The following PSIP1 variants were observed in gnomAD, a reference collection of about 807,000 sequenced individuals.
PSIP1 encodes PC4 and SRSF1 interacting protein 1, also known as PC4 and SFRS1-interacting protein.
Under a neutral mutation model 74.7 loss-of-function variants are expected in PSIP1, and 19 were observed. That is an observed-to-expected ratio of 0.25 (90% CI 0.18 to 0.37). The LOEUF is 0.37. Ranked by LOEUF, PSIP1 falls within the 10% of genes least tolerant of loss-of-function variation. The probability of loss-of-function intolerance (pLI) is 1.00; values close to 1 mark genes in which losing one functional copy is unlikely to be tolerated. For synonymous variants in PSIP1, 222 were observed against 195.3 expected (o/e 1.14, Z -1.14); for missense variants, 601 against 614.3 (o/e 0.98, Z 0.23).
chr9:15,487,769 G>A (rs1410496162), intron 4 of PSIP1, among the ~76,000 whole-genome samples: 1 of 152,156 alleles, frequency 6.6e-6, no homozygotes, highest in East Asian at 1.9e-4. Flanking sequence ...TCTCACACGT[G>A]TACATGCTGG....
At chr9:15,501,951 AACC>A (rs1354303579) in intron 3 of PSIP1, among the ~76,000 whole-genome samples, 1 of 151,436 alleles carries the variant, frequency 6.6e-6, no homozygotes, top group Non-Finnish European at 1.5e-5. Flanking sequence ...GCCTGTTAGG[AACC>A]ACGCTACACA....
chr9:15,481,705 G>A (rs1429856829), intron 6 of PSIP1, among the ~76,000 whole-genome samples: 2 of 151,944 alleles, frequency 1.3e-5, no homozygotes, highest in African/African-American at 4.8e-5. Flanking sequence ...AGAATTATAG[G>A]TAAAAGAGAT....
At position 15,472,723 on chromosome 9, in the gene PSIP1, T is replaced by A; in HGVS notation, c.886A>T (p.Thr296Ser). The change falls in exon 10 of 16, where the codon ACT becomes TCT. Residue 296 changes from threonine to serine, a missense_variant. Physicochemically the swap from Thr to Ser is moderately conservative, Grantham distance 58. Coordinates refer to ENST00000380733, the MANE Select transcript of PSIP1 (RefSeq NM_033222.5). ...TTCAGCATATTCCTTCTGTGAGCAGTCTGAAAGTTCCTCCCACCTTTTCTC... is the reference window on the plus strand; with the variant it reads ...TTCAGCATATTCCTTCTGTGAGCAGACTGAAAGTTCCTCCCACCTTTTCTC... ...KKRKGGRNFQ[T>S]AHRRNMLKGQ... 1 of 1,605,274 alleles carries A rather than the reference T, an allele frequency of 6.2e-7. No individual in the cohort carries two copies. The highest frequency in any genetic ancestry group is 1.1e-5 in the South Asian group (1 of 88,218).
chr9:15,485,246 A>G (rs1195067707), intron 6 of PSIP1, among the ~76,000 whole-genome samples: 1 of 152,154 alleles, frequency 6.6e-6, no homozygotes, highest in Non-Finnish European at 1.5e-5. Context: ...ACAATACTCA[A>G]GATGCTTGAG....
intron 8 of PSIP1, 53 bp from the exon 9 acceptor site, chr9:15,474,290 T>G: frequency 7.0e-7 from 1 of 1,430,676 alleles, no homozygotes; most frequent in Non-Finnish European, 9.5e-7. Flanking sequence ...TAATAGTATT[T>G]TAGATATCAG....
At chr9:15,509,526 C>A (rs1242351173) in intron 2 of PSIP1, among the ~76,000 whole-genome samples, 1 of 152,148 alleles carries the variant, frequency 6.6e-6, no homozygotes, top group East Asian at 1.9e-4. Flanking sequence ...TCATAAACAT[C>A]TCAAATAAAA....
intron 6 of PSIP1, among the ~76,000 whole-genome samples, chr9:15,483,862 G>A (rs1266941199): frequency 1.3e-5 from 2 of 152,072 alleles, no homozygotes; most frequent in African/African-American, 4.8e-5. Context: ...GTATGGTGGC[G>A]GATGCCTGTA....
At chr9:15,477,356 A>G (rs541855195) in intron 8 of PSIP1, among the ~76,000 whole-genome samples, 2 of 152,302 alleles carry the variant, frequency 1.3e-5, no homozygotes, top group African/African-American at 2.4e-5. Flanking sequence ...GAGAACCCTT[A>G]AAGTCTACTC....
intron 4 of PSIP1, among the ~76,000 whole-genome samples, chr9:15,488,889 C>A (rs200383460): frequency 6.6e-6 from 1 of 151,778 alleles, no homozygotes; most frequent in Admixed American, 6.6e-5. Flanking sequence ...GGTGTGGTGG[C>A]GGGCACCTGT....
At position 15,464,697 on chromosome 9, in the gene PSIP1, T is replaced by C. The variant is rs2035492510; in HGVS notation, c.*823A>G. 1 of 198,762 alleles carries C rather than the reference T, an allele frequency of 5.0e-6. No homozygotes were observed. Among genetic ancestry groups the C allele is most frequent in the Non-Finnish European group, 1.0e-5 (1 of 96,298 alleles). The allele number at this position is 198,762 out of a possible 1,614,324, so 12.3% of individuals were successfully genotyped here. A position where few individuals can be genotyped will look rare whatever the true frequency, so the allele number is the denominator to read the frequency against. On this transcript the variant is annotated 3_prime_UTR_variant, in exon 16 of 16. Coordinates refer to ENST00000380733, the MANE Select transcript of PSIP1 (RefSeq NM_033222.5). Reference sequence around the variant, plus strand: ...CATTTTTAACAACATTCCTCAAAAATAAACTTACTTAGTTTTCAGTTTTAG... The same window carrying C: ...CATTTTTAACAACATTCCTCAAAAACAAACTTACTTAGTTTTCAGTTTTAG...
At chr9:15,505,753 C>G (rs1285591255) in intron 3 of PSIP1, 1 of 152,208 alleles carries the variant, frequency 6.6e-6, no homozygotes, top group African/African-American at 2.4e-5. Flanking sequence ...CTATTAAAGA[C>G]ATTGTGTGAA....
chr9:15,477,852 T>C (rs575592183), intron 8 of PSIP1, among the ~76,000 whole-genome samples: 1 of 152,036 alleles, frequency 6.6e-6, no homozygotes, highest in Non-Finnish European at 1.5e-5. Context: ...AAAAAAAGAT[T>C]TGTAGGCTAG....
intron 7 of PSIP1, 151 bp from the exon 8 acceptor site, chr9:15,478,703 T>C: frequency 3.8e-6 from 2 of 527,826 alleles, no homozygotes; most frequent in East Asian, 6.4e-5. Context: ...AAATAATACC[T>C]CCCCCACCAT....
Position 15,488,113 on chromosome 9 carries a change from G to A in PSIP1, c.289-1182C>T, listed in dbSNP as rs1469862072. Reference sequence around the variant, plus strand: ...TGGGAGGCTGAGGTGGGTGGATCACGAGGTCAGGAGTTCAAGACTGGCCTG... The same window carrying A: ...TGGGAGGCTGAGGTGGGTGGATCACAAGGTCAGGAGTTCAAGACTGGCCTG... On this transcript the variant is annotated intron_variant, in intron 4 of 15. Coordinates refer to ENST00000380733, the MANE Select transcript of PSIP1 (RefSeq NM_033222.5). Among the ~76,000 whole-genome samples the A allele has an allele frequency of 7.9e-5, 12 of 151,722 alleles. No individual in the cohort carries two copies. The South Asian group carries it at 1.9e-3, about 24-fold the overall frequency.
chr9:15,471,941 G>C (rs2035850848), intron 10 of PSIP1: 1 of 975,772 alleles, frequency 1.0e-6, no homozygotes, highest in Non-Finnish European at 1.2e-6. Context: ...AAAGAACTCA[G>C]AAGTGACAGT....
intron 6 of PSIP1, among the ~76,000 whole-genome samples, chr9:15,484,713 TGA>T (rs2036483696): frequency 6.6e-6 from 1 of 150,748 alleles, no homozygotes; most frequent in African/African-American, 2.4e-5. Context: ...GGCAACAGTG[TGA>T]GAATCCGTCT....
intron 3 of PSIP1, among the ~76,000 whole-genome samples, chr9:15,501,307 G>C (rs1293270950): frequency 6.6e-6 from 1 of 151,766 alleles, no homozygotes; most frequent in African/African-American, 2.4e-5. Flanking sequence ...CAGCTACTAA[G>C]TGCCAGGCAC....
rs181200237 is a variant in PSIP1, at chr9:15,474,807, G to A, written c.630-570C>T. Among the ~76,000 whole-genome samples the A allele has an allele frequency of 2.8e-3, 428 of 152,154 alleles. 2 individuals carry two copies. The highest frequency in any genetic ancestry group is 0.017 in the Middle Eastern group (5 of 294). ...ATCAAATAATGCAAATACTAACCAC[G>A]TAATTACTTTTATGGTTGATATATA... is the stretch of plus-strand genomic sequence containing the variant. On this transcript the variant is annotated intron_variant, in intron 8 of 15. Transcript: ENST00000380733.
At chr9:15,492,507 T>C (rs1489032473) in intron 3 of PSIP1, among the ~76,000 whole-genome samples, 1 of 152,226 alleles carries the variant, frequency 6.6e-6, no homozygotes, top group African/African-American at 2.4e-5. Flanking sequence ...CAGGCTGGTG[T>C]TGAATGTCTG....
Sources: allele counts gnomAD v4.1 joint callset (sites outside exome capture counted in the v4.1 genomes callset), GRCh38; gene constraint gnomAD v4.1.1; transcripts MANE v1.5; gene names NCBI Gene and HGNC (gene_info 2026-07-23, HGNC 2026-07-21).